The following FOXN3 variants were observed in gnomAD, a reference collection of about 807,000 sequenced individuals.
FOXN3 encodes the protein forkhead box N3.
Under a neutral mutation model 38.4 loss-of-function variants are expected in FOXN3, and 7 were observed. The observed-to-expected ratio is 0.18, with a 90% CI of 0.10 to 0.34. The LOEUF (loss-of-function observed/expected upper bound fraction) is 0.34, where lower values mean the gene tolerates loss of function less well. FOXN3 is among the 10% of genes least tolerant of loss of function. FOXN3 has a pLI of 1.00. For missense variants in FOXN3, 456 were observed against 613.4 expected, an observed-to-expected ratio of 0.74 and a Z score of 2.71; for synonymous variants, 230 against 242.2, an observed-to-expected ratio of 0.95 and a Z score of 0.47.
At chr14:89,318,829 G>A (rs1459353022) in intron 3 of FOXN3, among the ~76,000 whole-genome samples, 5 of 152,302 alleles carry the variant, frequency 3.3e-5, no homozygotes, top group South Asian at 4.1e-4. Flanking sequence ...TGAAGCCGCC[G>A]ACCCGATGCA....
Position 89,384,916 on chromosome 14 carries a change from G to A in FOXN3, c.543+27018C>T, listed in dbSNP as rs1890750430. ...TTGCTGTACGTGTTGTAAATTACAT[G>A]GTTTTATATCCCATGGAGAAACAGC... On this transcript the variant is annotated intron_variant, in intron 2 of 5. Transcript: ENST00000557258. 2.0e-5 allele frequency among the ~76,000 whole-genome samples: 3 copies of A among 152,096 alleles called. No homozygotes were observed. The South Asian group carries it at 6.2e-4, about 31-fold the overall frequency.
Position 89,472,720 on chromosome 14 carries a change from CAAAAAAAAAAA to C in FOXN3, c.-14-60241_-14-60231del, listed in dbSNP as rs1157948946. Among the ~76,000 whole-genome samples, 155 of 46,620 alleles carry C rather than the reference CAAAAAAAAAAA, an allele frequency of 3.3e-3. 1 individual carries two copies. The highest frequency in any genetic ancestry group is 0.011 in the African/African-American group (145 of 13,342). The allele number at this position is 46,620 out of a possible 152,430, so 30.6% of individuals were successfully genotyped here. On this transcript the variant is annotated intron_variant, in intron 1 of 6. Coordinates refer to the FOXN3 transcript ENST00000345097. ...TGGGTGACGGAGCAAGACCCCATCT[CAAAAAAAAAAA>C]AAAAAAAAAAGATAGATTGTGCATC...
intron 1 of FOXN3, among the ~76,000 whole-genome samples, chr14:89,536,760 A>T (rs1246076194): frequency 6.6e-6 from 1 of 151,496 alleles, no homozygotes; most frequent in Non-Finnish European, 1.5e-5. Context: ...CCTGGGCGAC[A>T]GAGCAAGTCT....
At chr14:89,430,092 G>A (rs1310145879) in intron 1 of FOXN3, among the ~76,000 whole-genome samples, 3 of 152,118 alleles carry the variant, frequency 2.0e-5, no homozygotes, top group African/African-American at 7.2e-5. Context: ...TCTAAAAATA[G>A]CAGCAAATTA....
intron 1 of FOXN3, among the ~76,000 whole-genome samples, chr14:89,490,253 C>T (rs1466800904): frequency 6.6e-6 from 1 of 152,184 alleles, no homozygotes; most frequent in Non-Finnish European, 1.5e-5. Flanking sequence ...CTCCTGGTTC[C>T]CCTGAGCTCA....
intron 3 of FOXN3, among the ~76,000 whole-genome samples, chr14:89,300,724 G>A (rs980451269): frequency 7.2e-5 from 11 of 152,186 alleles, no homozygotes; most frequent in African/African-American, 2.2e-4. Flanking sequence ...TCTAAATGCT[G>A]TATCAGGAAG....
Position 89,180,809 on chromosome 14 carries a change from G to A in FOXN3, c.746-3C>T. 1 of 1,601,670 alleles carries A rather than the reference G, an allele frequency of 6.2e-7. No homozygotes were observed. On this transcript the variant is annotated splice_region_variant and splice_polypyrimidine_tract_variant and intron_variant, in intron 4 of 5. Transcript: ENST00000557258. Reference sequence around the variant, plus strand: ...ATTTTGGATCACTCCTGGAGGAACTGAAAAAGCAAAGGGGAGAAAGACACC... The same window carrying A: ...ATTTTGGATCACTCCTGGAGGAACTAAAAAAGCAAAGGGGAGAAAGACACC...
intron 4 of FOXN3, among the ~76,000 whole-genome samples, chr14:89,258,696 C>T (rs987669953): frequency 6.6e-6 from 1 of 152,184 alleles, no homozygotes; most frequent in South Asian, 2.1e-4. Context: ...ATATTCAATG[C>T]GCTTTACCTT....
intron 3 of FOXN3, among the ~76,000 whole-genome samples, chr14:89,300,583 G>C (rs1409118291): frequency 6.6e-6 from 1 of 152,132 alleles, no homozygotes; most frequent in East Asian, 1.9e-4. Context: ...CCTATTTGTG[G>C]AGAAATTGTG....
intron 1 of FOXN3, among the ~76,000 whole-genome samples, chr14:89,575,958 A>G (rs1034594509): frequency 1.3e-5 from 2 of 152,154 alleles, no homozygotes; most frequent in Admixed American, 6.5e-5. Flanking sequence ...CTCTGAAGTT[A>G]GGCTAAGCAG....
chr14:89,536,588 T>G (rs1205193729), intron 1 of FOXN3, among the ~76,000 whole-genome samples: 3 of 152,136 alleles, frequency 2.0e-5, no homozygotes, highest in African/African-American at 7.2e-5. Flanking sequence ...AAGACCAGCC[T>G]GACCAACATG....
intron 1 of FOXN3, among the ~76,000 whole-genome samples, chr14:89,453,539 G>T: frequency 8.9e-6 from 1 of 111,964 alleles, no homozygotes; most frequent in South Asian, 3.0e-4. Context: ...CAGCCTGGGC[G>T]ACACAGCAAG....
chr14:89,597,310 ATATACTCTATGATTTCCATCC>A (rs1207084744), intron 1 of FOXN3, among the ~76,000 whole-genome samples: 1 of 152,120 alleles, frequency 6.6e-6, no homozygotes, highest in African/African-American at 2.4e-5. Flanking sequence ...TAGTTGGAAA[ATATACTCTATGATTTCCATCC>A]TATACTCTAT....
intron 1 of FOXN3, among the ~76,000 whole-genome samples, chr14:89,589,740 G>A (rs1020897471): frequency 1.9e-4 from 23 of 122,540 alleles, no homozygotes; most frequent in Admixed American, 4.3e-4. Context: ...GCGGGGGGGC[G>A]GGGGGTGCCT....
At chr14:89,407,677 CAA>C (rs544990243) in intron 2 of FOXN3, among the ~76,000 whole-genome samples, 5 of 145,512 alleles carry the variant, frequency 3.4e-5, no homozygotes, top group African/African-American at 1.3e-4. Flanking sequence ...ATGAAAAATA[CAA>C]AAAAAAAAAA....
chr14:89,492,925 T>C (rs1893611613), intron 1 of FOXN3, among the ~76,000 whole-genome samples: 1 of 152,258 alleles, frequency 6.6e-6, no homozygotes, highest in African/African-American at 2.4e-5. Context: ...AAACCTGTCC[T>C]GGCCCTCCAC....
At chr14:89,261,287 C>T (rs17798825) in intron 4 of FOXN3, among the ~76,000 whole-genome samples, 4,830 of 152,248 alleles carry the variant, frequency 0.032, 100 homozygotes, top group African/African-American at 0.051. Context: ...TGAGATCTAT[C>T]ACTGTGGGTC....
intron 1 of FOXN3, among the ~76,000 whole-genome samples, chr14:89,430,404 T>A (rs182070132): frequency 6.6e-6 from 1 of 152,354 alleles, no homozygotes; most frequent in Admixed American, 6.5e-5. Context: ...TCATTTAGGC[T>A]TTTTCAGCAC....
intron 3 of FOXN3, among the ~76,000 whole-genome samples, chr14:89,335,159 T>G (rs889288377): frequency 4.6e-5 from 7 of 152,018 alleles, no homozygotes; most frequent in Non-Finnish European, 1.0e-4. Context: ...TATGTTAAAC[T>G]GTGGTAATCA....
Sources: allele counts gnomAD v4.1 joint callset (sites outside exome capture counted in the v4.1 genomes callset), GRCh38; gene constraint gnomAD v4.1.1; transcripts MANE v1.5; gene names NCBI Gene and HGNC (gene_info 2026-07-23, HGNC 2026-07-21).